SUCLA2: variants seen among roughly 807,000 people sequenced by gnomAD.
SUCLA2 encodes the protein succinate--CoA ligase [ADP-forming] subunit beta, mitochondrial.
In SUCLA2, 30 loss-of-function variants were observed where a neutral mutation model predicts 54.8. The observed-to-expected ratio is 0.55, with a 90% CI of 0.41 to 0.74. The LOEUF (loss-of-function observed/expected upper bound fraction) is 0.74, where lower values mean the gene tolerates loss of function less well. Among genes scored for constraint, SUCLA2 ranks in the 30% least tolerant of loss-of-function variants. SUCLA2 has a pLI of 0.00. For synonymous variants in SUCLA2, 172 were observed against 188.9 expected, an observed-to-expected ratio of 0.91 and a Z score of 0.74; for missense variants, 476 against 562.9, an observed-to-expected ratio of 0.85 and a Z score of 1.56.
At chr13:47,966,485 T>C (rs1384375076) in intron 6 of SUCLA2, among the ~76,000 whole-genome samples, 1 of 150,858 alleles carries the variant, frequency 6.6e-6, no homozygotes, top group East Asian at 2.0e-4. Context: ...GATAATTACA[T>C]TTAAGTTAGA....
At chr13:47,989,060 A>AT (rs1950129533) in intron 2 of SUCLA2, 79 bp from the exon 3 acceptor site, 2 of 1,321,856 alleles carry the variant, frequency 1.5e-6, no homozygotes, top group African/African-American at 2.9e-5. Context: ...TAACATACAT[A>AT]TTGACAGGTG....
intron 4 of SUCLA2, 125 bp downstream of exon 4, chr13:47,988,416 T>G: frequency 2.8e-6 from 3 of 1,089,206 alleles, no homozygotes; most frequent in Non-Finnish European, 4.0e-6. Context: ...ATCATGCTCA[T>G]GACATACAAA....
chr13:47,978,177 T>C (rs1950032924), intron 4 of SUCLA2, among the ~76,000 whole-genome samples: 1 of 152,176 alleles, frequency 6.6e-6, no homozygotes, highest in Non-Finnish European at 1.5e-5. Context: ...GTAAATTTCA[T>C]ATGGTACCAA....
chr13:47,969,207 A>G (rs534625110), intron 5 of SUCLA2, among the ~76,000 whole-genome samples: 1 of 152,320 alleles, frequency 6.6e-6, no homozygotes, highest in South Asian at 2.1e-4. Flanking sequence ...CCCCATCTCT[A>G]CTAAAAATAT....
intron 1 of SUCLA2, chr13:48,000,948 GC>G: frequency 7.1e-7 from 1 of 1,400,958 alleles, no homozygotes; most frequent in Non-Finnish European, 9.3e-7. Flanking sequence ...AGCAGCCACG[GC>G]CGGGCCGCCG....
intron 9 of SUCLA2, among the ~76,000 whole-genome samples, 189 bp from the exon 10 acceptor site, chr13:47,949,217 A>G (rs1949757945): frequency 6.6e-6 from 1 of 152,246 alleles, no homozygotes; most frequent in Admixed American, 6.5e-5. Context: ...TTGCCTTACA[A>G]TAATTCTGAC....
At chr13:47,972,257 A>G (rs1949972824) in intron 5 of SUCLA2, among the ~76,000 whole-genome samples, 4 of 152,326 alleles carry the variant, frequency 2.6e-5, no homozygotes, top group African/African-American at 4.8e-5. Flanking sequence ...TCCATCTCAA[A>G]GAAAATAAAT....
chr13:47,981,768 G>A (rs1251895571), intron 4 of SUCLA2, among the ~76,000 whole-genome samples: 1 of 152,180 alleles, frequency 6.6e-6, no homozygotes, highest in East Asian at 1.9e-4. Context: ...AGCCGAGATC[G>A]CACCACTGCA....
chr13:47,962,928 G>A (rs924646542), intron 6 of SUCLA2, among the ~76,000 whole-genome samples: 1 of 152,168 alleles, frequency 6.6e-6, no homozygotes, highest in Non-Finnish European at 1.5e-5. Context: ...CAACTCACCA[G>A]ATCACCACAT....
chr13:47,965,511 AC>A lies in SUCLA2; in HGVS notation c.802+3083del, dbSNP rs769295357. Reference sequence around the variant, plus strand: ...CCCTTCTTTAAAAAAAAAAAAACAAACAAACAAAAAAAAAAAACAAAGAAAA... The same window carrying A: ...CCCTTCTTTAAAAAAAAAAAAACAAAAAACAAAAAAAAAAAACAAAGAAAA... On this transcript the variant is annotated intron_variant, in intron 6 of 10. Coordinates refer to ENST00000646932, the MANE Select transcript of SUCLA2 (RefSeq NM_003850.3). The A allele has an allele frequency of 3.5e-3, 1,352 of 382,354 alleles. 5 individuals carry two copies. The highest frequency in any genetic ancestry group is 0.01 in the African/African-American group (483 of 46,446). 23.7% of individuals were successfully genotyped at this position (382,354 alleles called of 1,614,324 possible).
rs112525655 is a variant in SUCLA2 at position 47,989,179 on chromosome 13, A to G, written c.272-198T>C. Among the ~76,000 whole-genome samples, 466 of 151,082 alleles carry G rather than the reference A, an allele frequency of 3.1e-3. 3 individuals are homozygous for G. Among genetic ancestry groups the G allele is most frequent in the African/African-American group, 1.0e-2 (411 of 41,174 alleles). ...ATAATCACTGTCTAAAAGGCCCACA[A>G]TTTTCAAAATTCGTCACTTACATTA... On this transcript the variant is annotated intron_variant, in intron 2 of 10. Transcript: ENST00000646932.
intron 2 of SUCLA2, 109 bp downstream of exon 2, chr13:47,996,734 T>C: frequency 1.0e-6 from 1 of 957,888 alleles, no homozygotes; most frequent in Non-Finnish European, 1.6e-6. Context: ...GCAAAGAAAA[T>C]GTATTTTTTT....
chr13:47,990,075 C>T (rs750901602), intron 2 of SUCLA2, among the ~76,000 whole-genome samples: 22 of 152,138 alleles, frequency 1.4e-4, no homozygotes, highest in Non-Finnish European at 2.9e-4. Flanking sequence ...GGGCCCGGTG[C>T]GGTGGCTCAC....
chr13:47,969,209 T>C (rs796535575), intron 5 of SUCLA2, among the ~76,000 whole-genome samples: 4 of 152,254 alleles, frequency 2.6e-5, no homozygotes, highest in African/African-American at 9.6e-5. Context: ...CCATCTCTAC[T>C]AAAAATATAA....
chr13:47,990,382 TG>T (rs753171984), intron 2 of SUCLA2, among the ~76,000 whole-genome samples: 47 of 152,206 alleles, frequency 3.1e-4, no homozygotes, highest in Middle Eastern at 3.4e-3. Flanking sequence ...GTATCCTAAA[TG>T]CCCTGAATTG....
intron 10 of SUCLA2, among the ~76,000 whole-genome samples, chr13:47,945,299 T>TGTAG (rs1330292945): frequency 6.0e-5 from 9 of 148,960 alleles, no homozygotes; most frequent in African/African-American, 2.2e-4. Context: ...GGCACACACC[T>TGTAG]GTAGTCTCAG....
intron 6 of SUCLA2, among the ~76,000 whole-genome samples, chr13:47,964,590 G>A (rs1949900656): frequency 6.6e-6 from 1 of 152,214 alleles, no homozygotes; most frequent in Non-Finnish European, 1.5e-5. Flanking sequence ...AGGCGTGGTG[G>A]CTCAAGCCTG....
intron 2 of SUCLA2, among the ~76,000 whole-genome samples, 180 bp downstream of exon 2, chr13:47,996,663 T>C (rs1950193977): frequency 6.6e-6 from 1 of 151,792 alleles, no homozygotes; most frequent in South Asian, 2.1e-4. Context: ...GTGCTCATAA[T>C]AATAATAATA....
At chr13:47,997,548 G>T (rs1427243897) in intron 1 of SUCLA2, among the ~76,000 whole-genome samples, 2 of 152,160 alleles carry the variant, frequency 1.3e-5, no homozygotes, top group South Asian at 2.1e-4. Context: ...CAGGACCAAG[G>T]CATTCATAGC....
Sources: allele counts gnomAD v4.1 joint callset (sites outside exome capture counted in the v4.1 genomes callset), GRCh38; gene constraint gnomAD v4.1.1; transcripts MANE v1.5; gene names NCBI Gene and HGNC (gene_info 2026-07-23, HGNC 2026-07-21).